The following TOMM70 variants were observed in gnomAD, a reference collection of about 807,000 sequenced individuals.
The protein encoded by TOMM70 is translocase of outer mitochondrial membrane 70.
Under a neutral mutation model 73.6 loss-of-function variants are expected in TOMM70, and 13 were observed. The ratio of observed to expected loss-of-function variants is 0.18; its 90% CI spans 0.11 to 0.28. The LOEUF (loss-of-function observed/expected upper bound fraction) is 0.28, where lower values mean the gene tolerates loss of function less well. Ranked by LOEUF, TOMM70 falls within the 10% of genes least tolerant of loss-of-function variation. The pLI is 1.00. For missense variants in TOMM70, 609 were observed against 747.5 expected, an observed-to-expected ratio of 0.81 and a Z score of 2.16; for synonymous variants, 257 against 271.2, an observed-to-expected ratio of 0.95 and a Z score of 0.51.
chr3:100,369,849 G>A (rs1464523799), intron 9 of TOMM70, among the ~76,000 whole-genome samples: 1 of 152,168 alleles, frequency 6.6e-6, no homozygotes, highest in Non-Finnish European at 1.5e-5. Context: ...AAGTTAAGAT[G>A]TATGTGTTAA....
chr3:100,384,517 T>C lies in TOMM70; in HGVS notation c.697A>G (p.Lys233Glu). ...TTGGCTTTCTCTTTTCCAAGGAGTT[T>C]AAGAACTTTATCGGCTAACAGCATG... Reference protein sequence around the residue: ...QSMLLADKVLKLLGKEKAKEK... With the variant: ...QSMLLADKVLELLGKEKAKEK... The change falls in exon 4 of 12, where the codon AAA becomes GAA. Residue 233 changes from lysine (K) to glutamate (E), a missense_variant. Physicochemically the swap from Lys to Glu is moderately conservative, Grantham distance 56. Around this residue, in one of 2 missense-constraint regions of TOMM70, gnomAD observed 432 missense variants for 584.1 expected, o/e 0.74. Transcript: ENST00000284320. 6.2e-7 allele frequency: 1 copy of C among 1,611,674 alleles called. No individual in the cohort carries two copies. The highest frequency in any genetic ancestry group is 2.2e-5 in the East Asian group (1 of 44,844).
Position 100,365,604 on chromosome 3 carries a change from T to A in TOMM70, c.1787A>T (p.Glu596Val), listed in dbSNP as rs763191224. 8.7e-6 allele frequency: 14 copies of A among 1,614,212 alleles called. No homozygotes were observed. Among genetic ancestry groups the A allele is most frequent in the Non-Finnish European group, 1.7e-6 (2 of 1,180,028 alleles). ...TTTTAATCCGTATTTCTTTGCAACT[T>A]CTGTCTGGGCATGGGCGGCATCGCA... The part of the protein sequence containing the change: ...SLCDAAHAQT[E>V]VAKKYGLKPP... The change falls in exon 12 of 12, where the codon GAA becomes GTA. Residue 596 changes from glutamate to valine, a missense_variant. Physicochemically the swap from Glu to Val is moderately radical, Grantham distance 121. This residue lies in a region of TOMM70 where 432 missense variants were observed against 584.1 expected (regional missense o/e 0.74). Transcript: ENST00000284320.
At position 100,365,433 on chromosome 3, in the gene TOMM70, T is replaced by TA; in HGVS notation, c.*130dup. On this transcript the variant is annotated 3_prime_UTR_variant, in exon 12 of 12. Coordinates refer to ENST00000284320, the MANE Select transcript of TOMM70 (RefSeq NM_014820.5). ...ACAACACCTAGACATGAAACAGATG[T>TA]AACAAATAACAACACCACAAACAGA... The TA allele has an allele frequency of 7.3e-7, 1 of 1,372,772 alleles. No individual in the cohort carries two copies. Among genetic ancestry groups the TA allele is most frequent in the Non-Finnish European group, 9.9e-7 (1 of 1,008,210 alleles). The allele number at this position is 1,372,772 out of a possible 1,614,324, so 85.0% of individuals were successfully genotyped here.
rs1398854980 is a variant in TOMM70, at chr3:100,389,284, G to A, written c.325-2306C>T. On this transcript the variant is annotated intron_variant, in intron 1 of 11. Transcript: ENST00000284320. ...AACTAGCATTTGAGGTTGAACACAA[G>A]AACAGAAATAGAAATGTACAGCTTC... Among the ~76,000 whole-genome samples, 3 of 152,150 alleles carry A rather than the reference G, an allele frequency of 2.0e-5. No homozygotes were observed. The East Asian group carries it at 5.8e-4, about 29-fold the overall frequency.
At chr3:100,398,138 C>T (rs927494940) in intron 1 of TOMM70, among the ~76,000 whole-genome samples, 3 of 151,950 alleles carry the variant, frequency 2.0e-5, no homozygotes, top group Middle Eastern at 3.2e-3. Flanking sequence ...ATTCCTAGCA[C>T]TTTGGGAGGC....
At chr3:100,383,150 C>T (rs1225789289) in intron 4 of TOMM70, among the ~76,000 whole-genome samples, 1 of 152,066 alleles carries the variant, frequency 6.6e-6, no homozygotes, top group Non-Finnish European at 1.5e-5. Flanking sequence ...TTTATGGACT[C>T]TACCATGGTG....
chr3:100,400,808 G>A lies in TOMM70; in HGVS notation c.142C>T (p.Pro48Ser). 1 of 1,532,608 alleles carries A rather than the reference G, an allele frequency of 6.5e-7. No individual in the cohort carries two copies. The highest frequency in any genetic ancestry group is 8.7e-7 in the Non-Finnish European group (1 of 1,147,636). 94.9% of individuals were successfully genotyped at this position (1,532,608 alleles called of 1,614,324 possible). ...RWQLALAVGA[P>S]LLLGAGAIYL... ...ATGGCACCCGCGCCCAGCAGCAGGG[G>A]TGCCCCGACCGCCAGAGCCAGCTGC... The change falls in exon 1 of 12, where the codon CCC (proline) becomes TCC (serine). Residue 48 changes from proline to serine, a missense_variant. Around this residue, in one of 2 missense-constraint regions of TOMM70, gnomAD observed 177 missense variants for 163.5 expected, o/e 1.08. Transcript: ENST00000284320.
chr3:100,394,529 A>T (rs1706800253), intron 1 of TOMM70, among the ~76,000 whole-genome samples: 1 of 151,966 alleles, frequency 6.6e-6, no homozygotes, highest in Non-Finnish European at 1.5e-5. Context: ...TTTGAGACAG[A>T]GTTTTGCTCT....
In TOMM70 at chr3:100,368,046, T is replaced by C. The variant is rs752361752; in HGVS notation, c.1671A>G (p.Gln557=). The C allele has an allele frequency of 4.3e-6, 7 of 1,613,184 alleles. No homozygotes were observed. The highest frequency in any genetic ancestry group is 5.9e-6 in the Non-Finnish European group (7 of 1,179,638). The change falls in exon 11 of 12, where the codon CAA becomes CAG. Residue 557 remains glutamine, a splice_region_variant and synonymous_variant. Transcript: ENST00000284320. Reference sequence around the variant, plus strand: ...TCCTAACAGACTCCAGAAGTTACCTTTGTACTTCAATAGTTCCCATGGTTT... The same window carrying C: ...TCCTAACAGACTCCAGAAGTTACCTCTGTACTTCAATAGTTCCCATGGTTT... ...AYETMGTIEV[Q]RGNMEKAIDM... is the part of the protein sequence containing the mutation.
intron 1 of TOMM70, among the ~76,000 whole-genome samples, chr3:100,392,888 TGGAACTGGCCAGGC>T (rs1706779744): frequency 6.6e-6 from 1 of 151,940 alleles, no homozygotes; most frequent in African/African-American, 2.4e-5. Flanking sequence ...TGCAAAGATA[TGGAACTGGCCAGGC>T]ACGGTGGCTC....
chr3:100,388,996 T>C lies in TOMM70; in HGVS notation c.325-2018A>G, dbSNP rs958625308. 7.2e-5 allele frequency among the ~76,000 whole-genome samples: 11 copies of C among 151,870 alleles called. No homozygotes were observed. In the East Asian group the frequency reaches 7.8e-4, roughly 11 times the overall value. On this transcript the variant is annotated intron_variant, in intron 1 of 11. Coordinates refer to ENST00000284320, the MANE Select transcript of TOMM70 (RefSeq NM_014820.5). ...AAGTATAAATCCAGAAGTTCCATCA[T>C]TTGCCTATGTGGAGTTCTAAAAGGA...
intron 5 of TOMM70, 128 bp downstream of exon 5, chr3:100,381,487 T>C: frequency 2.1e-6 from 1 of 485,464 alleles, no homozygotes; most frequent in Non-Finnish European, 3.2e-6. Flanking sequence ...TTTAATTATA[T>C]TTCTGTCTAT....
At chr3:100,397,802 T>C (rs1247958861) in intron 1 of TOMM70, among the ~76,000 whole-genome samples, 1 of 151,300 alleles carries the variant, frequency 6.6e-6, no homozygotes, top group Non-Finnish European at 1.5e-5. Context: ...GGCAGGACAA[T>C]CTCTTGAGCC....
At chr3:100,386,394 A>G in intron 2 of TOMM70, 50 bp from the exon 3 acceptor site, 4 of 1,525,724 alleles carry the variant, frequency 2.6e-6, no homozygotes, top group Non-Finnish European at 3.5e-6. Flanking sequence ...AGTACTGTTC[A>G]ATAGAAATCA....
chr3:100,387,689 G>T (rs1482084837), intron 1 of TOMM70, among the ~76,000 whole-genome samples: 1 of 148,464 alleles, frequency 6.7e-6, no homozygotes, highest in Non-Finnish European at 1.5e-5. Flanking sequence ...AGGCTGGAGT[G>T]CAGTGGCACA....
intron 1 of TOMM70, among the ~76,000 whole-genome samples, chr3:100,397,516 A>T (rs1706838182): frequency 6.6e-6 from 1 of 150,662 alleles, no homozygotes; most frequent in African/African-American, 2.5e-5. Context: ...TGGGGCCAAA[A>T]ATAAATCATT....
chr3:100,401,041 G>T lies in TOMM70; in HGVS notation c.-92C>A. On this transcript the variant is annotated 5_prime_UTR_variant, in exon 1 of 12. Coordinates refer to ENST00000284320, the MANE Select transcript of TOMM70 (RefSeq NM_014820.5). ...AGGAAGACCGAGGGAGGGAAGGAAAGCAATGAGCGAGCGAGCACGCTAGGC... is the reference window on the plus strand; with the variant it reads ...AGGAAGACCGAGGGAGGGAAGGAAATCAATGAGCGAGCGAGCACGCTAGGC... 7.5e-7 allele frequency: 1 copy of T among 1,340,204 alleles called. No homozygotes were observed. Among genetic ancestry groups the T allele is most frequent in the Non-Finnish European group, 1.0e-6 (1 of 979,270 alleles). 83.0% of individuals were successfully genotyped at this position (1,340,204 alleles called of 1,614,324 possible).
intron 1 of TOMM70, among the ~76,000 whole-genome samples, chr3:100,392,310 C>A (rs1398243585): frequency 6.6e-6 from 1 of 152,138 alleles, no homozygotes. Flanking sequence ...TACACACACA[C>A]ATAAATCCAA....
chr3:100,370,652 T>C (rs560810147), intron 9 of TOMM70, among the ~76,000 whole-genome samples: 3 of 152,180 alleles, frequency 2.0e-5, no homozygotes, highest in South Asian at 2.1e-4. Context: ...TATATATATA[T>C]ACACATACAC....
Sources: allele counts gnomAD v4.1 joint callset (sites outside exome capture counted in the v4.1 genomes callset), GRCh38; gene constraint gnomAD v4.1.1; regional missense constraint gnomAD v4.1.1; transcripts MANE v1.5; gene names NCBI Gene and HGNC (gene_info 2026-07-23, HGNC 2026-07-21).